ADGRA2: variants seen among roughly 807,000 people sequenced by gnomAD.
ADGRA2 encodes the protein G-protein coupled receptor 124.
Under a neutral mutation model 98.7 loss-of-function variants are expected in ADGRA2, and 61 were observed. The observed-to-expected ratio is 0.62, with a 90% CI of 0.50 to 0.76. The LOEUF is 0.76. Ranked by LOEUF, ADGRA2 falls within the 30% of genes least tolerant of loss-of-function variation. The probability of loss-of-function intolerance (pLI) is 0.00; values close to 1 mark genes in which losing one functional copy is unlikely to be tolerated. For synonymous variants in ADGRA2, 858 were observed against 831.5 expected, an observed-to-expected ratio of 1.03 and a Z score of -0.55; for missense variants, 1,712 against 1,860.0, an observed-to-expected ratio of 0.92 and a Z score of 1.46.
In ADGRA2 at chr8:37,838,991, C is replaced by T. The variant is rs148091415; in HGVS notation, c.2295C>T (p.Ala765=). ...CCTTTCCCAGGGAGGTGGGGGGCGC[C>T]GGGGCAGGGCTGCACCCCGTGGTAT... ...LSAFPREVGG[A]GAGLHPVVYP... The change falls in exon 15 of 19, where the codon GCC becomes GCT. Residue 765 remains alanine, a synonymous_variant. Transcript: ENST00000412232. 71 of 1,576,510 alleles carry T rather than the reference C, an allele frequency of 4.5e-5. No homozygotes were observed. Among genetic ancestry groups the T allele is most frequent in the Middle Eastern group, 3.5e-4 (2 of 5,778 alleles).
chr8:37,838,807 T>G, intron 14 of ADGRA2, 149 bp from the exon 15 acceptor site: 2 of 847,952 alleles, frequency 2.4e-6, no homozygotes, highest in South Asian at 2.3e-5. Flanking sequence ...TTCCTAAGAG[T>G]GGACAGCCCG....
At position 37,830,084 on chromosome 8, in the gene ADGRA2, G is replaced by A. The variant is rs554787428; in HGVS notation, c.718+70G>A. The A allele has an allele frequency of 1.1e-5, 12 of 1,059,936 alleles. No individual in the cohort carries two copies. Among genetic ancestry groups the A allele is most frequent in the African/African-American group, 1.6e-5 (1 of 62,822 alleles). The allele number at this position is 1,059,936 out of a possible 1,614,324, so 65.7% of individuals were successfully genotyped here. A position where few individuals can be genotyped will look rare whatever the true frequency, so the allele number is the denominator to read the frequency against. ...CTCCACCAACCCAGGGCCCAGACAC[G>A]AGCCTCCCCTCAGACCCACAGGTTT... On this transcript the variant is annotated intron_variant, in intron 6 of 18. Transcript: ENST00000412232. The surrounding 1 kb of genome is among the most constrained non-coding windows in gnomAD (Gnocchi z 4.8).
At chr8:37,815,386 A>G (rs1277443838) in intron 2 of ADGRA2, among the ~76,000 whole-genome samples, 1 of 152,224 alleles carries the variant, frequency 6.6e-6, no homozygotes, top group African/African-American at 2.4e-5. Context: ...CAAAGCCCCA[A>G]GGGGGCTGAG....
chr8:37,835,034 AAAG>A lies in ADGRA2; in HGVS notation c.1609-138_1609-136del. The A allele has an allele frequency of 8.0e-6, 5 of 626,900 alleles. No individual in the cohort carries two copies. The South Asian group carries it at 9.8e-5, about 12-fold the overall frequency. The allele number at this position is 626,900 out of a possible 1,614,324, so 38.8% of individuals were successfully genotyped here. ...CAAGAATCTGTTCCTCTAAAAAAAA[AAAG>A]AGAGAGAGGTGGCTTTGAAAAAACT... On this transcript the variant is annotated intron_variant, in intron 11 of 18. Coordinates refer to ENST00000412232, the MANE Select transcript of ADGRA2 (RefSeq NM_032777.10).
rs761086577 is a variant in ADGRA2 at position 37,833,112 on chromosome 8, C to T, written c.1200C>T (p.Ser400=). 6.2e-7 allele frequency: 1 copy of T among 1,612,906 alleles called. No homozygotes were observed. The highest frequency in any genetic ancestry group is 1.1e-5 in the South Asian group (1 of 91,070). Residue 400 remains serine, a synonymous_variant, in exon 9 of 19, where the codon TCC becomes TCT. Transcript: ENST00000412232. ...LGGGAPGTRA[S]RRCDRAGRWE... is the part of the protein sequence containing the mutation. ...GGGGTGCCCCGGGCACCCGAGCCTCCCGCCGGTGTGACCGTGCCGGCCGCT... is the reference window on the plus strand; with the variant it reads ...GGGGTGCCCCGGGCACCCGAGCCTCTCGCCGGTGTGACCGTGCCGGCCGCT...
intron 1 of ADGRA2, among the ~76,000 whole-genome samples, chr8:37,801,721 C>T (rs1457826903): frequency 6.6e-6 from 1 of 152,242 alleles, no homozygotes; most frequent in African/African-American, 2.4e-5. Context: ...GCTGAGCAAA[C>T]TGAGGCCAGG....
rs542887952 is a variant in ADGRA2 at position 37,835,666 on chromosome 8, G to A, written c.1946G>A (p.Arg649Gln). The A allele has an allele frequency of 2.5e-5, 40 of 1,613,808 alleles. No individual in the cohort carries two copies. The highest frequency in any genetic ancestry group is 2.7e-5 in the African/African-American group (2 of 75,006). Reference protein sequence around the residue: ...PDCTLQLLVFRNGRLFHSHSN... With the variant: ...PDCTLQLLVFQNGRLFHSHSN... ...TGCACCCTGCAACTGCTCGTCTTCC[G>A]AAATGGCCGCCTCTTCCACAGCCAC... Residue 649 changes from arginine (R) to glutamine (Q), a missense_variant, in exon 13 of 19, where the codon CGA becomes CAA. Coordinates refer to ENST00000412232, the MANE Select transcript of ADGRA2 (RefSeq NM_032777.10).
chr8:37,838,833 C>T (rs1359515757), intron 14 of ADGRA2, 123 bp from the exon 15 acceptor site: 1 of 1,193,946 alleles, frequency 8.4e-7, no homozygotes. Context: ...TTCCTCCCTG[C>T]CCAGATGAAC....
chr8:37,802,389 C>G lies in ADGRA2; in HGVS notation c.266+4855C>G, dbSNP rs1249920405. Among the ~76,000 whole-genome samples the G allele has an allele frequency of 6.6e-6, 1 of 152,166 alleles. No homozygotes were observed. The highest frequency in any genetic ancestry group is 1.5e-5 in the Non-Finnish European group (1 of 68,032). On this transcript the variant is annotated intron_variant, in intron 1 of 18. Coordinates refer to ENST00000412232, the MANE Select transcript of ADGRA2 (RefSeq NM_032777.10). This position sits in a 1 kb window ranked among gnomAD's most constrained non-coding sequence, Gnocchi z 4.7. ...TTCTCATAAGGTCTGGGCGCAGAGA[C>G]AGCAGCCAGAGGAAGTGGCTGTGTA...
At chr8:37,836,388 G>A (rs1401406796) in intron 13 of ADGRA2, among the ~76,000 whole-genome samples, 1 of 152,146 alleles carries the variant, frequency 6.6e-6, no homozygotes, top group African/African-American at 2.4e-5. Context: ...AGGACTTTCA[G>A]AGACACCAAG....
At position 37,797,322 on chromosome 8, in the gene ADGRA2, G is replaced by T; in HGVS notation, c.54G>T (p.Pro18=). 2 of 1,334,176 alleles carry T rather than the reference G, an allele frequency of 1.5e-6. No homozygotes were observed. Among genetic ancestry groups the T allele is most frequent in the South Asian group, 2.0e-5 (1 of 49,138 alleles). The allele number at this position is 1,334,176 out of a possible 1,614,324, so 82.6% of individuals were successfully genotyped here. ...MRGAPARLLL[P]LLPWLLLLLA... ...GGGCGCCCGCGCGCCTGCTGCTGCCGCTGCTGCCGTGGCTCCTGCTGCTCC... is the reference window on the plus strand; with the variant it reads ...GGGCGCCCGCGCGCCTGCTGCTGCCTCTGCTGCCGTGGCTCCTGCTGCTCC... The change falls in exon 1 of 19, where the codon CCG becomes CCT. Residue 18 remains proline, a synonymous_variant. Coordinates refer to ENST00000412232, the MANE Select transcript of ADGRA2 (RefSeq NM_032777.10). This position sits in a 1 kb window ranked among gnomAD's most constrained non-coding sequence, Gnocchi z 5.3.
chr8:37,839,060 C>G lies in ADGRA2; in HGVS notation c.2364C>G (p.Ile788Met). Reference protein sequence around the residue: ...ALLLLCLFATIITYILNHSSI... With the variant: ...ALLLLCLFATMITYILNHSSI... Reference sequence around the variant, plus strand: ...TGCTGCTCTGCCTCTTCGCCACCATCATCACCTACATCCTCAACCACAGGT... The same window carrying G: ...TGCTGCTCTGCCTCTTCGCCACCATGATCACCTACATCCTCAACCACAGGT... The change falls in exon 15 of 19, where the codon ATC becomes ATG. Residue 788 changes from isoleucine (I) to methionine (M), a missense_variant. Coordinates refer to ENST00000412232, the MANE Select transcript of ADGRA2 (RefSeq NM_032777.10). The G allele has an allele frequency of 6.2e-7, 1 of 1,609,418 alleles. No homozygotes were observed. The highest frequency in any genetic ancestry group is 8.5e-7 in the Non-Finnish European group (1 of 1,177,622).
At position 37,830,823 on chromosome 8, in the gene ADGRA2, C is replaced by T. The variant is rs767612829; in HGVS notation, c.832C>T (p.Arg278Cys). 7.5e-6 allele frequency: 12 copies of T among 1,590,404 alleles called. No individual in the cohort carries two copies. The highest frequency in any genetic ancestry group is 2.7e-5 in the African/African-American group (2 of 74,584). The stretch of plus-strand genomic sequence containing the variant: ...TGCCAGCTACCTGGGCAACGACACC[C>T]GCATCCGCTGGTACCACAACCGAGC... ...CSASYLGNDT[R>C]IRWYHNRAPV... The change falls in exon 7 of 19, where the codon CGC (arginine) becomes TGC (cysteine). Residue 278 changes from arginine to cysteine, a missense_variant. Coordinates refer to ENST00000412232, the MANE Select transcript of ADGRA2 (RefSeq NM_032777.10). This position sits in a 1 kb window ranked among gnomAD's most constrained non-coding sequence, Gnocchi z 4.8.
intron 2 of ADGRA2, among the ~76,000 whole-genome samples, chr8:37,827,648 G>C (rs546473711): frequency 7.0e-4 from 107 of 152,360 alleles, no homozygotes; most frequent in African/African-American, 2.4e-3. Flanking sequence ...GACCCATGGA[G>C]AAGACAGGAC....
In ADGRA2 at chr8:37,829,528, G is replaced by A. The variant is rs774589867; in HGVS notation, c.523G>A (p.Val175Ile). 5 of 1,613,544 alleles carry A rather than the reference G, an allele frequency of 3.1e-6. No individual in the cohort carries two copies. In the Admixed American group the frequency reaches 5.0e-5, roughly 16 times the overall value. ...GNIFSSLQPGVFDELPALKVV... is the reference protein window; with the variant it reads ...GNIFSSLQPGIFDELPALKVV... ...CATCTTCTCCAGTCTGCAACCTGGG[G>A]TCTTTGATGAGCTGCCAGCCCTTAA... Residue 175 changes from valine to isoleucine, a missense_variant, in exon 5 of 19, where the codon GTC (valine) becomes ATC (isoleucine). Transcript: ENST00000412232.
At position 37,837,878 on chromosome 8, in the gene ADGRA2, C is replaced by T. The variant is rs1805666429; in HGVS notation, c.2198C>T (p.Ser733Phe). Residue 733 changes from serine (S) to phenylalanine (F), a missense_variant, in exon 14 of 19, where the codon TCC becomes TTC. Coordinates refer to ENST00000412232, the MANE Select transcript of ADGRA2 (RefSeq NM_032777.10). ...GWTSEGCQLRSSQPNVSALHC... is the reference protein window; with the variant it reads ...GWTSEGCQLRFSQPNVSALHC... Reference sequence around the variant, plus strand: ...ACCTCGGAGGGCTGCCAGCTCCGCTCCAGCCAGCCCAATGTCAGCGCCCTG... The same window carrying T: ...ACCTCGGAGGGCTGCCAGCTCCGCTTCAGCCAGCCCAATGTCAGCGCCCTG... The T allele has an allele frequency of 1.3e-6, 2 of 1,493,730 alleles. No individual in the cohort carries two copies. The highest frequency in any genetic ancestry group is 1.4e-5 in the South Asian group (1 of 73,570). The allele number at this position is 1,493,730 out of a possible 1,614,324, so 92.5% of individuals were successfully genotyped here.
At position 37,836,080 on chromosome 8, in the gene ADGRA2, CACACACACACACACA is replaced by C. The variant is rs1585404330; in HGVS notation, c.2050+311_2050+325del. On this transcript the variant is annotated intron_variant, in intron 13 of 18. Transcript: ENST00000412232. Reference sequence around the variant, plus strand: ...ACACACACACACACACACACACACACACACACACACACACACACCCCACAGGCCCAATGCAGACAA... The same window carrying C: ...ACACACACACACACACACACACACACCACCCCACAGGCCCAATGCAGACAA... 2.6e-5 allele frequency among the ~76,000 whole-genome samples: 4 copies of C among 151,096 alleles called. No homozygotes were observed. In the East Asian group the frequency reaches 5.9e-4, roughly 22 times the overall value.
rs1298389637 is a variant in ADGRA2 at position 37,840,107 on chromosome 8, C to A, written c.2512-14C>A. ...AGTCCCCAGGTCCCCAGCCTCCGTG[C>A]CTTGACCCCGCAGGTGGGCATCACC... On this transcript the variant is annotated splice_polypyrimidine_tract_variant and intron_variant, in intron 16 of 18. Transcript: ENST00000412232. 1 of 1,571,590 alleles carries A rather than the reference C, an allele frequency of 6.4e-7. No individual in the cohort carries two copies. The highest frequency in any genetic ancestry group is 8.6e-7 in the Non-Finnish European group (1 of 1,163,726).
intron 13 of ADGRA2, among the ~76,000 whole-genome samples, chr8:37,836,127 C>CT (rs1414439339): frequency 1.3e-5 from 2 of 149,182 alleles, no homozygotes; most frequent in East Asian, 4.0e-4. Context: ...ACAAGTAATG[C>CT]TGAATAGGTG....
Sources: allele counts gnomAD v4.1 joint callset (sites outside exome capture counted in the v4.1 genomes callset), GRCh38; gene constraint gnomAD v4.1.1; non-coding constraint Gnocchi (gnomAD v3.1); transcripts MANE v1.5; gene names NCBI Gene and HGNC (gene_info 2026-07-23, HGNC 2026-07-21).